P2RY12: variants seen among roughly 807,000 people sequenced by gnomAD.
P2RY12 encodes the protein P2Y purinoceptor 12.
Under a neutral mutation model 4.5 loss-of-function variants are expected in P2RY12, and 3 were observed. The ratio of observed to expected loss-of-function variants is 0.67; its 90% confidence interval spans 0.31 to 1.74. The LOEUF (loss-of-function observed/expected upper bound fraction) is 1.74, where lower values mean the gene tolerates loss of function less well. P2RY12 is among the 40% of genes most tolerant of loss of function. The probability of loss-of-function intolerance (pLI) is 0.09; values close to 1 mark genes in which losing one functional copy is unlikely to be tolerated. For missense variants in P2RY12, 356 were observed against 407.8 expected (o/e 0.87, Z 1.09); for synonymous variants, 148 against 154.1 (o/e 0.96, Z 0.29).
intron 1 of P2RY12, among the ~76,000 whole-genome samples, chr3:151,375,805 A>C (rs960265459): frequency 6.6e-6 from 1 of 152,068 alleles, no homozygotes; most frequent in South Asian, 2.1e-4. Context: ...TTTTCCCATT[A>C]AAAAATGTTT....
chr3:151,382,193 C>T (rs2108135808), intron 1 of P2RY12, among the ~76,000 whole-genome samples: 1 of 152,204 alleles, frequency 6.6e-6, no homozygotes, highest in South Asian at 2.1e-4. Flanking sequence ...TTCTCTTTAT[C>T]AAGGAAGACA....
intron 1 of P2RY12, among the ~76,000 whole-genome samples, chr3:151,373,257 A>C (rs958487391): frequency 2.6e-5 from 4 of 152,182 alleles, no homozygotes; most frequent in African/African-American, 9.7e-5. Flanking sequence ...CCTGGCCAAG[A>C]TACTACAGAA....
intron 1 of P2RY12, among the ~76,000 whole-genome samples, chr3:151,348,733 G>C (rs1226052397): frequency 1.3e-5 from 2 of 152,186 alleles, no homozygotes; most frequent in Non-Finnish European, 2.9e-5. Context: ...GTGTGTCCCT[G>C]AGAAAGACAG....
At chr3:151,368,379 G>C (rs956101447) in intron 1 of P2RY12, 2 of 727,982 alleles carry the variant, frequency 2.7e-6, no homozygotes, top group Admixed American at 2.2e-5. Flanking sequence ...GGGTGATGAA[G>C]GGTGAGATGA....
At chr3:151,372,857 G>A (rs192253302) in intron 1 of P2RY12, 1 of 926,690 alleles carries the variant, frequency 1.1e-6, no homozygotes, top group Admixed American at 2.6e-5. Context: ...GTGCATAGGT[G>A]GGCCTTTTTT....
chr3:151,358,457 C>T (rs1034368300), intron 1 of P2RY12, among the ~76,000 whole-genome samples: 13 of 152,102 alleles, frequency 8.5e-5, no homozygotes, highest in African/African-American at 2.6e-4. Flanking sequence ...AAAAATCTTT[C>T]GAACTGGAAG....
At chr3:151,369,430 T>C in intron 1 of P2RY12, 2 of 1,586,036 alleles carry the variant, frequency 1.3e-6, no homozygotes, top group Non-Finnish European at 1.7e-6. Flanking sequence ...TTTGTTGTTT[T>C]TGTAGGCAAA....
intron 1 of P2RY12, chr3:151,378,174 G>GTT (rs1435440642): frequency 7.5e-6 from 12 of 1,599,620 alleles, no homozygotes; most frequent in Non-Finnish European, 1.0e-5. Context: ...AACAGAAAAG[G>GTT]TGTGGCTGGA....
chr3:151,369,287 T>G, intron 1 of P2RY12: 1 of 501,784 alleles, frequency 2.0e-6, no homozygotes. Context: ...TGGCCATGTT[T>G]CTTAGTGAAT....
rs763867006 is a variant in P2RY12, at chr3:151,372,755, A to G, written c.-180+11937T>C. The G allele has an allele frequency of 2.0e-5, 33 of 1,612,626 alleles. No homozygotes were observed. The Admixed American group carries it at 3.8e-4, about 19-fold the overall frequency. The stretch of plus-strand genomic sequence containing the variant: ...ATACGCTAGATATGTACTGAGGACT[A>G]TCTGTCAACAGGTATTCTAATTTAA... On this transcript the variant is annotated intron_variant, in intron 1 of 2. Transcript: ENST00000302632.
At chr3:151,383,771 T>C in intron 1 of P2RY12, 1 of 1,589,956 alleles carries the variant, frequency 6.3e-7, no homozygotes, top group Non-Finnish European at 8.6e-7. Context: ...CTGTATTTTG[T>C]CTGCTAGGTA....
chr3:151,357,361 C>A, intron 1 of P2RY12: 1 of 1,608,790 alleles, frequency 6.2e-7, no homozygotes, highest in Non-Finnish European at 8.5e-7. Flanking sequence ...GATCAGACAG[C>A]CCAGGTGTTT....
chr3:151,350,161 G>A, intron 1 of P2RY12: 1 of 1,613,756 alleles, frequency 6.2e-7, no homozygotes, highest in Non-Finnish European at 8.5e-7. Flanking sequence ...GATTACCAAA[G>A]ATATCCTGAA....
At chr3:151,352,045 A>T (rs1290550810) in intron 1 of P2RY12, among the ~76,000 whole-genome samples, 1 of 152,222 alleles carries the variant, frequency 6.6e-6, no homozygotes. Flanking sequence ...ACATTTTTGA[A>T]TATTTGCATA....
At chr3:151,348,304 C>G (rs994343968) in intron 1 of P2RY12, among the ~76,000 whole-genome samples, 1 of 140,936 alleles carries the variant, frequency 7.1e-6, no homozygotes, top group African/African-American at 2.7e-5. Context: ...CCCCCTGTTT[C>G]CTTCCTAGGG....
chr3:151,339,021 T>G (rs149368673), intron 2 of P2RY12, among the ~76,000 whole-genome samples, 162 bp from the exon 3 acceptor site: 2 of 152,300 alleles, frequency 1.3e-5, no homozygotes, highest in African/African-American at 4.8e-5. Context: ...TCCCAAAATA[T>G]TTCATTGCAG....
intron 1 of P2RY12, among the ~76,000 whole-genome samples, chr3:151,341,472 A>G (rs1292809416): frequency 6.6e-6 from 1 of 152,050 alleles, no homozygotes; most frequent in Non-Finnish European, 1.5e-5. Flanking sequence ...GCATCCTTGT[A>G]TCACAATTAT....
chr3:151,373,634 C>T (rs186277103), intron 1 of P2RY12, among the ~76,000 whole-genome samples: 4 of 152,016 alleles, frequency 2.6e-5, no homozygotes, highest in Admixed American at 6.5e-5. Flanking sequence ...AGAGCCTGCC[C>T]TCCTCTCCCC....
chr3:151,368,154 T>C (rs1355401865), intron 1 of P2RY12: 1 of 1,613,790 alleles, frequency 6.2e-7, no homozygotes, highest in South Asian at 1.1e-5. Flanking sequence ...TCCTAGCTTG[T>C]GGGGATGCGG....
Sources: gnomAD v4.1 joint callset for allele counts (sites outside exome capture counted in the v4.1 genomes callset) on GRCh38, gnomAD v4.1.1 for gene constraint, MANE v1.5 for transcripts, NCBI Gene and HGNC (gene_info 2026-07-23, HGNC 2026-07-21) for gene names.